Variants in CDH13 observed in about 807,000 individuals in gnomAD.
The protein encoded by CDH13 is cadherin-13.
CDH13 carries 24 observed loss-of-function variants against 63.8 expected under a neutral mutation model. The ratio of observed to expected loss-of-function variants is 0.38; its 90% CI spans 0.27 to 0.53. CDH13 has a LOEUF of 0.53. Ranked by LOEUF, CDH13 falls within the 20% of genes least tolerant of loss-of-function variation. CDH13 has a pLI of 0.85. For missense variants in CDH13, 1,049 were observed against 903.1 expected, an observed-to-expected ratio of 1.16 and a Z score of -2.07; for synonymous variants, 503 against 355.3, an observed-to-expected ratio of 1.42 and a Z score of -4.67.
At chr16:83,471,275 CTTTT>C (rs34765413) in intron 6 of CDH13, among the ~76,000 whole-genome samples, 1 of 121,996 alleles carries the variant, frequency 8.2e-6, no homozygotes. Flanking sequence ...TCTAACCACC[CTTTT>C]TTTTTTTTTT....
intron 4 of CDH13, among the ~76,000 whole-genome samples, chr16:83,201,477 A>G (rs1483103682): frequency 4.0e-5 from 6 of 151,836 alleles, no homozygotes; most frequent in African/African-American, 1.5e-4. Context: ...CAACAATGTA[A>G]TGAGCCACAG....
At chr16:83,027,353 T>C (rs868571429) in intron 2 of CDH13, among the ~76,000 whole-genome samples, 34 of 152,262 alleles carry the variant, frequency 2.2e-4, no homozygotes, top group Middle Eastern at 3.4e-3. Context: ...GGAAGGAAAT[T>C]CTGGAACACA....
chr16:83,652,888 T>C (rs1317081705), intron 8 of CDH13, among the ~76,000 whole-genome samples: 1 of 152,120 alleles, frequency 6.6e-6, no homozygotes, highest in Non-Finnish European at 1.5e-5. Flanking sequence ...AGCCACTAAG[T>C]GGAAACAGTT....
At chr16:83,324,866 G>A (rs533322953) in intron 5 of CDH13, among the ~76,000 whole-genome samples, 59 of 152,178 alleles carry the variant, frequency 3.9e-4, no homozygotes, top group Non-Finnish European at 7.3e-4. Context: ...GTTGCCCTTA[G>A]GAAAGAGATC....
At chr16:83,498,314 TA>T (rs1247796176) in intron 7 of CDH13, among the ~76,000 whole-genome samples, 3 of 152,202 alleles carry the variant, frequency 2.0e-5, no homozygotes, top group African/African-American at 7.2e-5. Context: ...CCTGGGCTCA[TA>T]CCCTGTCTCT....
At chr16:83,234,687 C>A (rs895684176) in intron 5 of CDH13, among the ~76,000 whole-genome samples, 1 of 152,176 alleles carries the variant, frequency 6.6e-6, no homozygotes, top group Non-Finnish European at 1.5e-5. Flanking sequence ...TTAGAGTGAA[C>A]AAAACACATT....
At chr16:82,985,596 C>T (rs1023494643) in intron 2 of CDH13, among the ~76,000 whole-genome samples, 4 of 152,102 alleles carry the variant, frequency 2.6e-5, no homozygotes, top group East Asian at 3.9e-4. Flanking sequence ...ATCACTTTTG[C>T]CACTTCCCAT....
At chr16:83,750,090 G>A (rs113424488) in intron 11 of CDH13, among the ~76,000 whole-genome samples, 7 of 152,282 alleles carry the variant, frequency 4.6e-5, no homozygotes, top group African/African-American at 1.7e-4. Flanking sequence ...AAGGCCAGGA[G>A]TTTGAGACCA....
chr16:83,028,118 C>A (rs537533927), intron 2 of CDH13, among the ~76,000 whole-genome samples: 10 of 152,132 alleles, frequency 6.6e-5, no homozygotes, highest in African/African-American at 2.4e-4. Flanking sequence ...TGATCCTGTT[C>A]GAGGGTTAAG....
intron 6 of CDH13, among the ~76,000 whole-genome samples, chr16:83,428,251 A>G (rs989786835): frequency 1.3e-5 from 2 of 152,202 alleles, no homozygotes; most frequent in African/African-American, 2.4e-5. Flanking sequence ...TGACTGAGAA[A>G]CACAGGAAAA....
intron 4 of CDH13, among the ~76,000 whole-genome samples, chr16:83,163,630 C>A (rs923376198): frequency 6.6e-6 from 1 of 152,034 alleles, no homozygotes; most frequent in Non-Finnish European, 1.5e-5. Context: ...CTAGTGCTAG[C>A]CAAAGTGTGT....
At chr16:83,031,621 A>G (rs1050809973) in intron 2 of CDH13, among the ~76,000 whole-genome samples, 2 of 151,834 alleles carry the variant, frequency 1.3e-5, no homozygotes, top group Non-Finnish European at 2.9e-5. Flanking sequence ...CAGCTCAAAT[A>G]TTGACTCTGT....
chr16:83,658,736 A>G (rs1913135577), intron 8 of CDH13, among the ~76,000 whole-genome samples: 1 of 148,642 alleles, frequency 6.7e-6, no homozygotes, highest in Non-Finnish European at 1.5e-5. Context: ...CCTCACCACC[A>G]GGTCCCATGT....
intron 2 of CDH13, among the ~76,000 whole-genome samples, chr16:82,961,113 G>A (rs1198306669): frequency 6.6e-6 from 1 of 152,168 alleles, no homozygotes; most frequent in Non-Finnish European, 1.5e-5. Flanking sequence ...CACCCCCTGA[G>A]CTGGCGCCAG....
chr16:82,901,760 C>T (rs1051349289), intron 2 of CDH13, among the ~76,000 whole-genome samples: 9 of 152,192 alleles, frequency 5.9e-5, no homozygotes. Flanking sequence ...ATACCAGGCC[C>T]TGTGCCAATT....
intron 8 of CDH13, among the ~76,000 whole-genome samples, chr16:83,602,968 C>A (rs1012171259): frequency 2.0e-5 from 3 of 152,250 alleles, no homozygotes; most frequent in South Asian, 4.1e-4. Context: ...GATTGAGAGG[C>A]CAGACGGAAC....
intron 2 of CDH13, chr16:83,022,984 G>T (rs1299183484): frequency 6.6e-6 from 1 of 152,184 alleles, no homozygotes; most frequent in African/African-American, 2.4e-5. Flanking sequence ...TCATAACAGA[G>T]CTTAATTTTC....
intron 3 of CDH13, among the ~76,000 whole-genome samples, chr16:83,103,897 G>A (rs966711439): frequency 1.6e-4 from 24 of 152,220 alleles, no homozygotes; most frequent in Admixed American, 1.5e-3. Flanking sequence ...AAAGAGTTCA[G>A]TGTGAAGTAT....
chr16:83,216,647 T>G (rs2039541226), intron 4 of CDH13, among the ~76,000 whole-genome samples: 1 of 144,884 alleles, frequency 6.9e-6, no homozygotes, highest in African/African-American at 2.5e-5. Flanking sequence ...ATATATATTA[T>G]ATATCATATT....
Sources: allele counts gnomAD v4.1 joint callset (sites outside exome capture counted in the v4.1 genomes callset), GRCh38; gene constraint gnomAD v4.1.1; transcripts MANE v1.5; gene names NCBI Gene and HGNC (gene_info 2026-07-23, HGNC 2026-07-21).